Variants in PIAS4 observed in about 807,000 individuals in gnomAD.
PIAS4 encodes the protein E3 SUMO-protein ligase PIAS4.
A neutral mutation model predicts 58.0 loss-of-function variants in PIAS4; 7 were observed. The ratio of observed to expected loss-of-function variants is 0.12; its 90% CI spans 0.07 to 0.23. The LOEUF (loss-of-function observed/expected upper bound fraction) is 0.23, where lower values mean the gene tolerates loss of function less well. Ranked by LOEUF, PIAS4 falls within the 10% of genes least tolerant of loss-of-function variation. The pLI is 1.00. For missense variants in PIAS4, 550 were observed against 709.5 expected (o/e 0.78, Z 2.55); for synonymous variants, 364 against 312.4 (o/e 1.17, Z -1.74).
chr19:4,026,896 G>C (rs975365675), intron 3 of PIAS4, among the ~76,000 whole-genome samples: 1 of 152,102 alleles, frequency 6.6e-6, no homozygotes, highest in African/African-American at 2.4e-5. Context: ...GGCCCAGGCT[G>C]GAGTGCAGTG....
intron 1 of PIAS4, among the ~76,000 whole-genome samples, chr19:4,011,591 C>A (rs1397568020): frequency 6.6e-6 from 1 of 152,244 alleles, no homozygotes; most frequent in East Asian, 1.9e-4. Flanking sequence ...CTGCTATCTT[C>A]CCCTTGGACC....
chr19:4,015,704 G>T (rs573079409), intron 2 of PIAS4, among the ~76,000 whole-genome samples: 11 of 152,274 alleles, frequency 7.2e-5, no homozygotes, highest in South Asian at 6.2e-4. Context: ...TGCTGGCCTT[G>T]CCCGGGGGCC....
intron 2 of PIAS4, among the ~76,000 whole-genome samples, chr19:4,020,494 C>T (rs573600153): frequency 3.3e-5 from 5 of 152,338 alleles, no homozygotes; most frequent in Non-Finnish European, 5.9e-5. Flanking sequence ...GCCAGATTCT[C>T]GCTCCCCCAC....
intron 2 of PIAS4, chr19:4,018,477 G>C (rs556211887): frequency 1.5e-4 from 23 of 152,214 alleles, no homozygotes; most frequent in Admixed American, 1.3e-3. Flanking sequence ...GCTGCTTTTC[G>C]TGCCCGGGCC....
At chr19:4,033,049 C>T (rs754397693) in intron 7 of PIAS4, 51 bp from the exon 8 acceptor site, 35 of 1,451,098 alleles carry the variant, frequency 2.4e-5, no homozygotes, top group African/African-American at 2.1e-4. Context: ...CACAGCCCCG[C>T]GCCCTGCTGT....
intron 7 of PIAS4, among the ~76,000 whole-genome samples, chr19:4,030,536 G>A (rs1263807548): frequency 1.3e-5 from 2 of 151,726 alleles, no homozygotes; most frequent in Non-Finnish European, 2.9e-5. Flanking sequence ...GGAGAATGGC[G>A]TGAACCCAGG....
At chr19:4,024,265 T>C in intron 3 of PIAS4, 145 bp downstream of exon 3, 1 of 662,808 alleles carries the variant, frequency 1.5e-6, no homozygotes, top group Non-Finnish European at 2.7e-6. Context: ...GTGGCCGGGT[T>C]TGCTTCCTTC....
chr19:4,017,109 G>A (rs1007675762), intron 2 of PIAS4, among the ~76,000 whole-genome samples: 2 of 152,164 alleles, frequency 1.3e-5, no homozygotes, highest in African/African-American at 4.8e-5. Flanking sequence ...TCCCACATGT[G>A]GGGTAGTCTG....
chr19:4,036,757 A>G lies in PIAS4; in HGVS notation c.1143-617A>G, dbSNP rs969721308. On this transcript the variant is annotated intron_variant, in intron 9 of 10. Coordinates refer to ENST00000262971, the MANE Select transcript of PIAS4 (RefSeq NM_015897.4). ...CACCATCACATGCACACACACATCTATATGGTCTACACCGTCACACACACA... is the reference window on the plus strand; with the variant it reads ...CACCATCACATGCACACACACATCTGTATGGTCTACACCGTCACACACACA... Among the ~76,000 whole-genome samples, 254 of 150,092 alleles carry G rather than the reference A, an allele frequency of 1.7e-3. 1 individual carries two copies. Among genetic ancestry groups the G allele is most frequent in the Non-Finnish European group, 4.1e-4 (28 of 67,546 alleles).
chr19:4,031,405 G>A (rs983593871), intron 7 of PIAS4, among the ~76,000 whole-genome samples: 6 of 152,192 alleles, frequency 3.9e-5, no homozygotes, highest in Non-Finnish European at 7.3e-5. Context: ...CTCCAGGCTC[G>A]GGGATGGAGG....
At position 4,029,008 on chromosome 19, in the gene PIAS4, A is replaced by G. The variant is rs986044180; in HGVS notation, c.879A>G (p.Val293=). 1 of 1,608,506 alleles carries G rather than the reference A, an allele frequency of 6.2e-7. No individual in the cohort carries two copies. The highest frequency in any genetic ancestry group is 1.7e-5 in the Admixed American group (1 of 59,422). Residue 293 remains valine (V), a synonymous_variant, in exon 7 of 11, where the codon GTA becomes GTG. Coordinates refer to ENST00000262971, the MANE Select transcript of PIAS4 (RefSeq NM_015897.4). ...TGCAGAGGCTGAAGACCATTGGGGT[A>G]AAGCACCCGGAGCTGTGCAAGGCAC... ...ELLQRLKTIG[V]KHPELCKALV...
chr19:4,015,393 C>T (rs756683157), intron 2 of PIAS4, among the ~76,000 whole-genome samples: 2 of 152,234 alleles, frequency 1.3e-5, no homozygotes, highest in East Asian at 3.9e-4. Context: ...ACCTGATCTC[C>T]GGGAGAGCCT....
Position 4,037,233 on chromosome 19 carries a change from AC to A in PIAS4, c.1143-137del. 1 of 1,067,168 alleles carries A rather than the reference AC, an allele frequency of 9.4e-7. No individual in the cohort carries two copies. Among genetic ancestry groups the A allele is most frequent in the East Asian group, 2.6e-5 (1 of 38,260 alleles). 66.1% of individuals were successfully genotyped at this position (1,067,168 alleles called of 1,614,324 possible). On this transcript the variant is annotated intron_variant, in intron 9 of 10. Transcript: ENST00000262971. The surrounding 1 kb of genome is among the most constrained non-coding windows in gnomAD (Gnocchi z 5.8). ...GGGGGAGGGAATGCGGGGTCCCTGG[AC>A]CCCTGCGGTCGGGGTGGTGAGGCTG...
At position 4,012,991 on chromosome 19, in the gene PIAS4, T is replaced by C. The variant is rs939407633; in HGVS notation, c.96T>C (p.Ser32=). The C allele has an allele frequency of 1.4e-5, 22 of 1,613,086 alleles. No homozygotes were observed. The highest frequency in any genetic ancestry group is 1.9e-5 in the Non-Finnish European group (22 of 1,179,826). The change falls in exon 2 of 11, where the codon AGT becomes AGC. Residue 32 remains serine, a synonymous_variant. Transcript: ENST00000262971. ...MLLGFVGRSK[S]GLKHELVTRA... is the part of the protein sequence containing the mutation. ...TGGGTTTCGTGGGCCGGAGTAAGAG[T>C]GGACTGAAGCACGAGCTCGTCACCA...
At chr19:4,015,978 T>C (rs1239628188) in intron 2 of PIAS4, among the ~76,000 whole-genome samples, 2 of 152,056 alleles carry the variant, frequency 1.3e-5, no homozygotes, top group Non-Finnish European at 2.9e-5. Context: ...AGGTGCCGTG[T>C]GTGGGGACGG....
intron 3 of PIAS4, among the ~76,000 whole-genome samples, chr19:4,025,316 A>G (rs2040151464): frequency 6.6e-6 from 1 of 152,162 alleles, no homozygotes; most frequent in Non-Finnish European, 1.5e-5. Context: ...GTGGCAGGTG[A>G]GGGGCCAGTG....
chr19:4,029,033 C>T lies in PIAS4; in HGVS notation c.904C>T (p.Leu302=). Residue 302 remains leucine, a synonymous_variant, in exon 7 of 11, where the codon CTG becomes TTG. Coordinates refer to ENST00000262971, the MANE Select transcript of PIAS4 (RefSeq NM_015897.4). ...GVKHPELCKA[L]VKEKLRLDPD... ...AAAGCACCCGGAGCTGTGCAAGGCACTGGGTGAGCAGCTCAGGCCACCTCG... is the reference window on the plus strand; with the variant it reads ...AAAGCACCCGGAGCTGTGCAAGGCATTGGGTGAGCAGCTCAGGCCACCTCG... 6.3e-7 allele frequency: 1 copy of T among 1,599,270 alleles called. No homozygotes were observed. Among genetic ancestry groups the T allele is most frequent in the Non-Finnish European group, 8.5e-7 (1 of 1,172,610 alleles).
intron 2 of PIAS4, chr19:4,018,387 A>T (rs1165722711): frequency 6.6e-6 from 1 of 152,246 alleles, no homozygotes; most frequent in Non-Finnish European, 1.5e-5. Context: ...CGTCAGCAGC[A>T]TCTCGTGAGG....
chr19:4,016,569 C>T (rs1424732105), intron 2 of PIAS4, among the ~76,000 whole-genome samples: 3 of 152,212 alleles, frequency 2.0e-5, no homozygotes, highest in African/African-American at 7.2e-5. Flanking sequence ...TCATGGCACA[C>T]GGAGGGCTTT....
Sources: allele counts gnomAD v4.1 joint callset (sites outside exome capture counted in the v4.1 genomes callset), GRCh38; gene constraint gnomAD v4.1.1; non-coding constraint Gnocchi (gnomAD v3.1); transcripts MANE v1.5; gene names NCBI Gene and HGNC (gene_info 2026-07-23, HGNC 2026-07-21).